The following WWOX variants were observed in gnomAD, a reference collection of about 807,000 sequenced individuals.
WWOX encodes the protein WW domain containing oxidoreductase, also known as WW domain-containing oxidoreductase.
Under a neutral mutation model 46.2 loss-of-function variants are expected in WWOX, and 69 were observed. That is an observed-to-expected ratio of 1.49 (90% CI 1.23 to 1.82). WWOX has a LOEUF of 1.82. Ranked by LOEUF, WWOX falls within the 40% of genes most tolerant of loss-of-function variation. WWOX has a pLI of 0.00. For missense variants in WWOX, 919 were observed against 542.6 expected (o/e 1.69, Z -6.89); for synonymous variants, 359 against 202.6 (o/e 1.77, Z -6.56).
intron 6 of WWOX, among the ~76,000 whole-genome samples, chr16:78,421,430 G>C (rs1386888659): frequency 6.6e-6 from 1 of 152,072 alleles, no homozygotes; most frequent in Non-Finnish European, 1.5e-5. Context: ...TGTTTTGTAA[G>C]GATAGGCCTG....
intron 8 of WWOX, among the ~76,000 whole-genome samples, chr16:78,578,028 A>G (rs942284687): frequency 2.0e-5 from 3 of 151,944 alleles, no homozygotes; most frequent in African/African-American, 7.2e-5. Context: ...GTATACCGCC[A>G]TTGTTCTTGT....
chr16:78,881,078 G>A (rs972595464), intron 8 of WWOX, among the ~76,000 whole-genome samples: 9 of 140,004 alleles, frequency 6.4e-5, no homozygotes, highest in African/African-American at 2.4e-4. Context: ...TGCAACCTTT[G>A]CCTCCTGGGC....
At chr16:79,188,019 A>G (rs754573548) in intron 8 of WWOX, among the ~76,000 whole-genome samples, 1 of 152,202 alleles carries the variant, frequency 6.6e-6, no homozygotes, top group South Asian at 2.1e-4. Context: ...TGCTCTTCAA[A>G]CACAAATTCC....
At chr16:78,483,574 C>G (rs937647801) in intron 8 of WWOX, among the ~76,000 whole-genome samples, 5 of 152,038 alleles carry the variant, frequency 3.3e-5, no homozygotes, top group Non-Finnish European at 5.9e-5. Flanking sequence ...TGTACGCAGA[C>G]TCGGAAAATC....
At chr16:79,085,256 A>G (rs1228882729) in intron 8 of WWOX, among the ~76,000 whole-genome samples, 2 of 152,020 alleles carry the variant, frequency 1.3e-5, no homozygotes, top group East Asian at 3.9e-4. Context: ...CTCTTTCCAA[A>G]CCACCTTCTG....
chr16:78,947,873 T>G (rs148456527), intron 8 of WWOX, among the ~76,000 whole-genome samples: 375 of 152,316 alleles, frequency 2.5e-3, no homozygotes, highest in African/African-American at 8.1e-3. Context: ...GTAAGCATCC[T>G]TCCAACAGGT....
intron 8 of WWOX, among the ~76,000 whole-genome samples, chr16:78,797,785 C>G (rs776288878): frequency 1.3e-5 from 2 of 152,196 alleles, no homozygotes; most frequent in Non-Finnish European, 1.5e-5. Context: ...GCTAGGAGCT[C>G]GAGAACAGTC....
intron 4 of WWOX, among the ~76,000 whole-genome samples, chr16:78,136,631 A>G (rs2033799264): frequency 6.6e-6 from 1 of 152,356 alleles, no homozygotes; most frequent in South Asian, 2.1e-4. Flanking sequence ...TTTTACTCTC[A>G]CTAGAGAAAT....
chr16:78,483,568 C>A (rs927649368), intron 8 of WWOX, among the ~76,000 whole-genome samples: 1 of 151,958 alleles, frequency 6.6e-6, no homozygotes, highest in African/African-American at 2.4e-5. Flanking sequence ...TGGTGCTGTA[C>A]GCAGACTCGG....
intron 8 of WWOX, among the ~76,000 whole-genome samples, chr16:78,826,514 C>T (rs1342629531): frequency 6.6e-6 from 1 of 152,236 alleles, no homozygotes; most frequent in African/African-American, 2.4e-5. Flanking sequence ...TCACTCCAAT[C>T]CCTGCCTCTG....
chr16:78,164,422 C>G (rs1178908154), intron 5 of WWOX, 133 bp downstream of exon 5: 2 of 810,410 alleles, frequency 2.5e-6, no homozygotes, highest in Non-Finnish European at 4.1e-6. Context: ...GTCATCTTCA[C>G]TTTGTTTGTC....
rs115967234 is a variant in WWOX, at chr16:79,136,993, G to T, written c.1057-74615G>T. Among the ~76,000 whole-genome samples, 287 of 152,294 alleles carry T rather than the reference G, an allele frequency of 1.9e-3. 1 individual carries two copies. The highest frequency in any genetic ancestry group is 6.5e-3 in the African/African-American group (271 of 41,564). ...GAGAAAATAGAGCTCCAAGGTGGAG[G>T]AAAAGACAACTGAGAGGAGGCTATT... On this transcript the variant is annotated intron_variant, in intron 8 of 8. Coordinates refer to ENST00000566780, the MANE Select transcript of WWOX (RefSeq NM_016373.4).
chr16:78,664,758 A>C (rs1040785408), intron 8 of WWOX, among the ~76,000 whole-genome samples: 6 of 152,194 alleles, frequency 3.9e-5, no homozygotes, highest in African/African-American at 1.4e-4. Flanking sequence ...CTCAATTATT[A>C]AAGTGGGATT....
intron 8 of WWOX, chr16:79,106,577 A>G (rs2049311488): frequency 7.1e-6 from 1 of 141,228 alleles, no homozygotes; most frequent in Non-Finnish European, 1.5e-5. Context: ...CTCTTTCTTA[A>G]AATAATTTTT....
intron 8 of WWOX, among the ~76,000 whole-genome samples, chr16:78,782,660 C>G: frequency 6.8e-6 from 1 of 146,880 alleles, no homozygotes; most frequent in East Asian, 2.0e-4. Flanking sequence ...TCTTTCTTTT[C>G]TATATCTTTT....
intron 8 of WWOX, among the ~76,000 whole-genome samples, chr16:78,975,962 T>C (rs1237966863): frequency 2.0e-5 from 3 of 152,188 alleles, no homozygotes; most frequent in Non-Finnish European, 4.4e-5. Context: ...CCCTCCTGCC[T>C]TTTAGTTGCC....
At chr16:78,487,589 T>C (rs1033681833) in intron 8 of WWOX, among the ~76,000 whole-genome samples, 3 of 152,162 alleles carry the variant, frequency 2.0e-5, no homozygotes, top group African/African-American at 7.2e-5. Context: ...GCTGTTAATA[T>C]TGGAAGGTGG....
At chr16:78,375,967 C>G (rs114952286) in intron 5 of WWOX, among the ~76,000 whole-genome samples, 1 of 151,578 alleles carries the variant, frequency 6.6e-6, no homozygotes, top group Non-Finnish European at 1.5e-5. Context: ...TCTTCTGCCT[C>G]AGCCTTCCAA....
chr16:78,213,020 A>T (rs1382934778), intron 5 of WWOX, among the ~76,000 whole-genome samples: 1 of 151,964 alleles, frequency 6.6e-6, no homozygotes, highest in Non-Finnish European at 1.5e-5. Flanking sequence ...GCAACTTGGG[A>T]GGTGGGCGGA....
Sources: gnomAD v4.1 joint callset for allele counts (sites outside exome capture counted in the v4.1 genomes callset) on GRCh38, gnomAD v4.1.1 for gene constraint, MANE v1.5 for transcripts, NCBI Gene and HGNC (gene_info 2026-07-23, HGNC 2026-07-21) for gene names.